Variants in NRG3 observed in about 807,000 individuals in gnomAD.
The protein encoded by NRG3 is pro-neuregulin-3, membrane-bound isoform.
Under a neutral mutation model 66.9 loss-of-function variants are expected in NRG3, and 31 were observed. The observed-to-expected ratio is 0.46, with a 90% confidence interval of 0.35 to 0.63. The LOEUF (loss-of-function observed/expected upper bound fraction) is 0.63, where lower values mean the gene tolerates loss of function less well. Ranked by LOEUF, NRG3 falls within the 20% of genes least tolerant of loss-of-function variation. NRG3 has a pLI of 0.00. For missense variants in NRG3, 910 were observed against 878.9 expected, an observed-to-expected ratio of 1.04 and a Z score of -0.45; for synonymous variants, 393 against 359.4, an observed-to-expected ratio of 1.09 and a Z score of -1.06.
At chr10:82,557,066 G>A (rs1410556379) in intron 2 of NRG3, among the ~76,000 whole-genome samples, 2 of 152,090 alleles carry the variant, frequency 1.3e-5, no homozygotes, top group Admixed American at 6.6e-5. Flanking sequence ...TTGATTCCAT[G>A]TCTTTGCTAT....
At chr10:82,060,808 C>G (rs73318367) in intron 1 of NRG3, among the ~76,000 whole-genome samples, 2,382 of 152,240 alleles carry the variant, frequency 0.016, 53 homozygotes, top group African/African-American at 0.05. Flanking sequence ...CATATTGCCT[C>G]TACTCAACCT....
chr10:82,717,453 G>T (rs1565234673), intron 2 of NRG3, among the ~76,000 whole-genome samples: 1 of 127,352 alleles, frequency 7.9e-6, no homozygotes, highest in Non-Finnish European at 1.6e-5. Context: ...AGGCTAGAGT[G>T]CAGTGGCTTG....
chr10:82,403,601 T>C (rs1329163756), intron 2 of NRG3, among the ~76,000 whole-genome samples: 2 of 152,174 alleles, frequency 1.3e-5, no homozygotes, highest in African/African-American at 4.8e-5. Flanking sequence ...GAGCTTTTGA[T>C]ATAAAATAAA....
intron 2 of NRG3, among the ~76,000 whole-genome samples, chr10:82,495,026 C>T (rs912384364): frequency 6.7e-6 from 1 of 150,222 alleles, no homozygotes; most frequent in African/African-American, 2.5e-5. Context: ...CTGCAACCTC[C>T]ACCTCCCGGG....
rs184004546 is a variant in NRG3, at chr10:82,294,731, C to T, written c.824-64008C>T. On this transcript the variant is annotated intron_variant, in intron 1 of 8. Coordinates refer to ENST00000372141, the MANE Select transcript of NRG3 (RefSeq NM_001010848.4). ...ACCTTGGGTTCTTCTGTGATTTTTC[C>T]TGTCTACTCACATTTCTTTATTTTT... 6.6e-4 allele frequency among the ~76,000 whole-genome samples: 100 copies of T among 152,216 alleles called. 2 individuals are homozygous for T. The East Asian group carries it at 7.9e-3, about 12-fold the overall frequency.
intron 1 of NRG3, among the ~76,000 whole-genome samples, chr10:81,904,560 C>T (rs751345989): frequency 1.4e-4 from 22 of 152,120 alleles, no homozygotes; most frequent in Non-Finnish European, 2.6e-4. Context: ...CCACCTTCTA[C>T]GCCTGTTCTT....
chr10:82,806,925 AGC>A (rs1231494090), intron 3 of NRG3, among the ~76,000 whole-genome samples: 17 of 152,178 alleles, frequency 1.1e-4, no homozygotes, highest in Non-Finnish European at 2.9e-5. Context: ...TTATTTTTGA[AGC>A]ACATCTACTC....
At chr10:82,565,373 T>A (rs1050371223) in intron 2 of NRG3, among the ~76,000 whole-genome samples, 3 of 152,052 alleles carry the variant, frequency 2.0e-5, no homozygotes. Flanking sequence ...AAAGATTCAG[T>A]CTCTGAAACT....
At chr10:82,376,672 C>G (rs1263550775) in intron 2 of NRG3, among the ~76,000 whole-genome samples, 1 of 152,194 alleles carries the variant, frequency 6.6e-6, no homozygotes, top group African/African-American at 2.4e-5. Flanking sequence ...CCCATGGCTA[C>G]ATGGGTCTCC....
chr10:82,208,522 C>A (rs934136255), intron 1 of NRG3, among the ~76,000 whole-genome samples: 5 of 151,970 alleles, frequency 3.3e-5, no homozygotes, highest in African/African-American at 1.2e-4. Flanking sequence ...GATGAGCAAG[C>A]AAAGAAGCAT....
chr10:82,237,110 T>TA (rs1268799926), intron 1 of NRG3, among the ~76,000 whole-genome samples: 1 of 152,206 alleles, frequency 6.6e-6, no homozygotes, highest in Non-Finnish European at 1.5e-5. Flanking sequence ...ATCAGATCCC[T>TA]ATGCAGTGGT....
chr10:81,956,302 A>G (rs967308126), intron 1 of NRG3, among the ~76,000 whole-genome samples: 2 of 152,148 alleles, frequency 1.3e-5, no homozygotes, highest in African/African-American at 4.8e-5. Flanking sequence ...GCCAACATGG[A>G]GGAACCACAT....
intron 6 of NRG3, among the ~76,000 whole-genome samples, chr10:82,966,690 G>A (rs1367315797): frequency 6.6e-6 from 1 of 151,796 alleles, no homozygotes; most frequent in Admixed American, 6.6e-5. Context: ...AAGTTATTTG[G>A]GATTCTATCA....
At chr10:82,107,468 A>G (rs777125196) in intron 1 of NRG3, among the ~76,000 whole-genome samples, 2 of 152,222 alleles carry the variant, frequency 1.3e-5, no homozygotes, top group African/African-American at 4.8e-5. Flanking sequence ...CATGTATTAT[A>G]TGCCAATTTC....
At chr10:82,507,621 A>C (rs1220602307) in intron 2 of NRG3, among the ~76,000 whole-genome samples, 1 of 152,166 alleles carries the variant, frequency 6.6e-6, no homozygotes, top group Non-Finnish European at 1.5e-5. Flanking sequence ...TGACCATCCT[A>C]TCTCAGTGTC....
intron 1 of NRG3, among the ~76,000 whole-genome samples, chr10:81,974,726 C>T (rs908286042): frequency 2.6e-5 from 4 of 151,988 alleles, no homozygotes; most frequent in East Asian, 1.9e-4. Flanking sequence ...CAAAAAGTCA[C>T]GCATCTATAC....
At position 82,386,024 on chromosome 10, in the gene NRG3, A is replaced by C. The variant is rs535430609; in HGVS notation, c.953+27156A>C. Among the ~76,000 whole-genome samples the C allele has an allele frequency of 7.2e-5, 11 of 152,288 alleles. No homozygotes were observed. The South Asian group carries it at 1.7e-3, about 23-fold the overall frequency. On this transcript the variant is annotated intron_variant, in intron 2 of 8. Coordinates refer to ENST00000372141, the MANE Select transcript of NRG3 (RefSeq NM_001010848.4). ...AGTAGTAATTCAGTTGAAGGAAAAAAAATCACATCAGTGAAATCACTTTTC... is the reference window on the plus strand; with the variant it reads ...AGTAGTAATTCAGTTGAAGGAAAAACAATCACATCAGTGAAATCACTTTTC...
intron 3 of NRG3, among the ~76,000 whole-genome samples, chr10:82,767,371 A>T (rs1030912343): frequency 9.9e-5 from 15 of 152,138 alleles, no homozygotes; most frequent in African/African-American, 3.6e-4. Flanking sequence ...TTGGCTAAAT[A>T]AGGACCATAT....
At chr10:82,747,778 T>A (rs1486134050) in intron 3 of NRG3, among the ~76,000 whole-genome samples, 1 of 152,004 alleles carries the variant, frequency 6.6e-6, no homozygotes, top group Non-Finnish European at 1.5e-5. Flanking sequence ...TTATTTATGA[T>A]ATTTTTTGAA....
Sources: gnomAD v4.1 joint callset for allele counts (sites outside exome capture counted in the v4.1 genomes callset) on GRCh38, gnomAD v4.1.1 for gene constraint, MANE v1.5 for transcripts, NCBI Gene and HGNC (gene_info 2026-07-23, HGNC 2026-07-21) for gene names.